Variants in GLIS3 observed in about 807,000 individuals in gnomAD.
GLIS3 encodes the protein GLIS family zinc finger 3.
GLIS3 carries 53 observed loss-of-function variants against 78.6 expected under a neutral mutation model. The observed-to-expected ratio is 0.67, with a 90% CI of 0.54 to 0.85. The LOEUF is 0.85. Ranked by LOEUF, GLIS3 falls within the 40% of genes least tolerant of loss-of-function variation. The pLI is 0.00. For missense variants in GLIS3, 1,703 were observed against 1,231.1 expected, an observed-to-expected ratio of 1.38 and a Z score of -5.74; for synonymous variants, 684 against 509.9, an observed-to-expected ratio of 1.34 and a Z score of -4.60.
the GLIS3 span, among the ~76,000 whole-genome samples, chr9:4,460,593 G>C: frequency 3.7e-5 from 5 of 133,764 alleles, no homozygotes; most frequent in African/African-American, 1.5e-4. Context: ...GGAGCTCTTA[G>C]AAAAATGTGC....
chr9:3,843,704 G>A (rs1378480397), intron 9 of GLIS3, among the ~76,000 whole-genome samples: 1 of 152,184 alleles, frequency 6.6e-6, no homozygotes, highest in Admixed American at 6.5e-5. Context: ...GACCTCATGG[G>A]TATTGACAAA....
At chr9:4,333,914 T>C (rs1427369850) in intron 2 of GLIS3, among the ~76,000 whole-genome samples, 1 of 152,214 alleles carries the variant, frequency 6.6e-6, no homozygotes, top group Non-Finnish European at 1.5e-5. Context: ...GGGAATTTCT[T>C]GGATTCCTTA....
At chr9:4,095,264 A>C (rs1354188935) in intron 4 of GLIS3, among the ~76,000 whole-genome samples, 1 of 152,108 alleles carries the variant, frequency 6.6e-6, no homozygotes, top group Non-Finnish European at 1.5e-5. Context: ...TCTGGACATA[A>C]ATGTTTTAAC....
intron 4 of GLIS3, among the ~76,000 whole-genome samples, chr9:4,018,206 C>T (rs1244578866): frequency 1.3e-5 from 2 of 152,176 alleles, no homozygotes; most frequent in Non-Finnish European, 2.9e-5. Context: ...GCTTGCTAGG[C>T]CTTTGTCACA....
At chr9:3,852,050 C>T (rs1354963556) in intron 9 of GLIS3, among the ~76,000 whole-genome samples, 1 of 151,618 alleles carries the variant, frequency 6.6e-6, no homozygotes, top group Non-Finnish European at 1.5e-5. Flanking sequence ...GAGGCTGAGG[C>T]AGGGGAATTG....
chr9:4,169,288 C>T (rs955158701), intron 2 of GLIS3, among the ~76,000 whole-genome samples: 6 of 152,192 alleles, frequency 3.9e-5, no homozygotes, highest in African/African-American at 1.4e-4. Context: ...AACATCATTA[C>T]TAGCCTCAGA....
intron 4 of GLIS3, among the ~76,000 whole-genome samples, chr9:4,100,309 C>T (rs1249877332): frequency 1.3e-5 from 2 of 152,142 alleles, no homozygotes; most frequent in Admixed American, 6.5e-5. Flanking sequence ...ACCTTACACC[C>T]TTACATGCAT....
At chr9:4,060,476 T>G (rs1826555540) in intron 4 of GLIS3, among the ~76,000 whole-genome samples, 1 of 152,198 alleles carries the variant, frequency 6.6e-6, no homozygotes, top group Non-Finnish European at 1.5e-5. Context: ...TGTGGCAGTA[T>G]CTTAAGAGGT....
intron 4 of GLIS3, among the ~76,000 whole-genome samples, chr9:4,079,474 G>A (rs1487761354): frequency 6.6e-6 from 1 of 152,176 alleles, no homozygotes; most frequent in Non-Finnish European, 1.5e-5. Context: ...GTCTGGGGCA[G>A]TTCATCCCAC....
At chr9:4,217,978 T>C (rs1471882368) in intron 2 of GLIS3, among the ~76,000 whole-genome samples, 2 of 152,226 alleles carry the variant, frequency 1.3e-5, no homozygotes, top group African/African-American at 4.8e-5. Flanking sequence ...CTCATCAAAA[T>C]GGACTTTTCC....
intron 4 of GLIS3, among the ~76,000 whole-genome samples, chr9:4,108,487 G>A (rs1475638333): frequency 6.6e-6 from 1 of 152,140 alleles, no homozygotes; most frequent in Non-Finnish European, 1.5e-5. Context: ...GTTTAAGGCT[G>A]AGTCCTCCAT....
At chr9:4,240,922 G>C (rs999176700) in intron 2 of GLIS3, among the ~76,000 whole-genome samples, 1 of 150,162 alleles carries the variant, frequency 6.7e-6, no homozygotes, top group Non-Finnish European at 1.5e-5. Context: ...GAAAAAAAGA[G>C]AACTTTAGAT....
At chr9:4,458,081 G>C in the GLIS3 span, among the ~76,000 whole-genome samples, 1 of 151,986 alleles carries the variant, frequency 6.6e-6, no homozygotes, top group Admixed American at 6.6e-5. Context: ...CTGAGCACCA[G>C]GAAAAACTGG....
upstream of GLIS3, among the ~76,000 whole-genome samples, chr9:4,304,876 T>C (rs1330306): frequency 0.91 from 138,140 of 152,284 alleles, 62,939 homozygotes; most frequent in East Asian, 1. Flanking sequence ...TTCACGTGTA[T>C]ACACATTTCT....
intron 2 of GLIS3, among the ~76,000 whole-genome samples, chr9:4,195,919 C>A (rs767074086): frequency 6.6e-6 from 1 of 152,230 alleles, no homozygotes; most frequent in Non-Finnish European, 1.5e-5. Context: ...CACCAATCAG[C>A]ACTTTGTATC....
At chr9:3,990,775 A>G (rs1820170953) in intron 4 of GLIS3, among the ~76,000 whole-genome samples, 1 of 152,210 alleles carries the variant, frequency 6.6e-6, no homozygotes, top group South Asian at 2.1e-4. Context: ...AAACGTATGT[A>G]TATTTTAGTA....
At chr9:4,463,989 A>C in the GLIS3 span, among the ~76,000 whole-genome samples, 4 of 152,218 alleles carry the variant, frequency 2.6e-5, no homozygotes, top group Admixed American at 2.6e-4. Flanking sequence ...TCATAGATGC[A>C]AGTTGAAAGA....
At chr9:3,944,664 C>CA (rs1816170136) in intron 4 of GLIS3, among the ~76,000 whole-genome samples, 1 of 152,058 alleles carries the variant, frequency 6.6e-6, no homozygotes, top group South Asian at 2.1e-4. Context: ...TGACAGACAG[C>CA]AAAAAATGCA....
intron 2 of GLIS3, among the ~76,000 whole-genome samples, chr9:4,264,754 G>A (rs192743860): frequency 1.3e-5 from 2 of 152,124 alleles, no homozygotes; most frequent in South Asian, 4.2e-4. Context: ...TAACCCCCAA[G>A]AAATTACATC....
Sources: allele counts gnomAD v4.1 joint callset (sites outside exome capture counted in the v4.1 genomes callset), GRCh38; gene constraint gnomAD v4.1.1; transcripts MANE v1.5; gene names NCBI Gene and HGNC (gene_info 2026-07-23, HGNC 2026-07-21).